Variants in MITF observed in about 807,000 individuals in gnomAD.
MITF encodes microphthalmia-associated transcription factor.
In MITF, 17 loss-of-function variants were observed where a neutral mutation model predicts 60.5. The observed-to-expected ratio is 0.28, with a 90% CI of 0.19 to 0.42. The LOEUF (loss-of-function observed/expected upper bound fraction) is 0.42. Ranked by LOEUF, MITF falls within the 10% of genes least tolerant of loss-of-function variation. MITF has a pLI of 1.00. For missense variants in MITF, 622 were observed against 683.5 expected (o/e 0.91, Z 1.00); for synonymous variants, 260 against 248.5 (o/e 1.05, Z -0.43).
intron 1 of MITF, among the ~76,000 whole-genome samples, chr3:69,837,814 C>T (rs2063563031): frequency 6.6e-6 from 1 of 152,182 alleles, no homozygotes; most frequent in East Asian, 1.9e-4. Context: ...AACTGTTGCC[C>T]TGATCTCACT....
intron 1 of MITF, among the ~76,000 whole-genome samples, chr3:69,779,629 C>T (rs1328652553): frequency 1.3e-5 from 2 of 151,846 alleles, no homozygotes; most frequent in Admixed American, 1.3e-4. Flanking sequence ...TGATGGGGAG[C>T]AACTGAAGAC....
intron 2 of MITF, among the ~76,000 whole-genome samples, chr3:69,885,483 C>A (rs1455634562): frequency 2.6e-5 from 4 of 151,954 alleles, no homozygotes; most frequent in Non-Finnish European, 2.9e-5. Context: ...ATGGTAATTT[C>A]TTTTTTAATG....
At chr3:69,922,947 G>A (rs2065500841) in intron 2 of MITF, among the ~76,000 whole-genome samples, 2 of 152,184 alleles carry the variant, frequency 1.3e-5, no homozygotes, top group Non-Finnish European at 2.9e-5. Flanking sequence ...TCCTGTCCTT[G>A]TTGACCCGTT....
At chr3:69,760,072 C>G (rs2062189644) in intron 1 of MITF, among the ~76,000 whole-genome samples, 1 of 152,226 alleles carries the variant, frequency 6.6e-6, no homozygotes, top group Admixed American at 6.5e-5. Flanking sequence ...GCCACTGCGC[C>G]CAGCCCTGAT....
intron 2 of MITF, among the ~76,000 whole-genome samples, chr3:69,932,573 T>C (rs1418214737): frequency 6.6e-6 from 1 of 152,198 alleles, no homozygotes; most frequent in Non-Finnish European, 1.5e-5. Context: ...TTGCATCTGA[T>C]TTTGATTCTT....
intron 1 of MITF, among the ~76,000 whole-genome samples, chr3:69,819,478 C>T (rs35017084): frequency 0.34 from 51,436 of 152,034 alleles, 9,735 homozygotes; most frequent in Non-Finnish European, 0.43. Flanking sequence ...ACAGATGGCC[C>T]GAAGTGTGGC....
At chr3:69,759,844 C>A (rs751862627) in intron 1 of MITF, among the ~76,000 whole-genome samples, 3 of 152,140 alleles carry the variant, frequency 2.0e-5, no homozygotes, top group Middle Eastern at 3.2e-3. Flanking sequence ...GTGGCACGAT[C>A]TCGGCTCACT....
intron 2 of MITF, among the ~76,000 whole-genome samples, chr3:69,893,558 C>G (rs975015668): frequency 3.3e-5 from 5 of 152,128 alleles, no homozygotes; most frequent in Admixed American, 1.3e-4. Context: ...TCACTGTCAT[C>G]AGCATTTCAA....
In MITF at chr3:69,956,496, G is replaced by A. The variant is rs147682682; in HGVS notation, c.997G>A (p.Glu333Lys). ...ATTTAACATAAATGACCGCATTAAAGAACTAGGTACTTTGATTCCCAAGTC... is the reference window on the plus strand; with the variant it reads ...ATTTAACATAAATGACCGCATTAAAAAACTAGGTACTTTGATTCCCAAGTC... ...RRFNINDRIK[E>K]LGTLIPKSND... The change falls in exon 8 of 10, where the codon GAA becomes AAA. Residue 333 changes from glutamate to lysine, a missense_variant. Physicochemically the swap from Glu to Lys is moderately conservative, Grantham distance 56. This residue lies in a region of MITF where 31 missense variants were observed against 74.8 expected (regional missense o/e 0.41). Transcript: ENST00000352241. 5.0e-6 allele frequency: 8 copies of A among 1,613,626 alleles called. No individual in the cohort carries two copies. The highest frequency in any genetic ancestry group is 6.8e-6 in the Non-Finnish European group (8 of 1,179,742).
At chr3:69,829,584 A>G (rs1047772432) in intron 1 of MITF, among the ~76,000 whole-genome samples, 7 of 152,232 alleles carry the variant, frequency 4.6e-5, no homozygotes, top group African/African-American at 1.2e-4. Flanking sequence ...AAAATTCAGC[A>G]GTAAAAAAAC....
At chr3:69,948,905 AC>A (rs1462678453) in intron 5 of MITF, 145 bp from the exon 6 acceptor site, 26 of 669,960 alleles carry the variant, frequency 3.9e-5, no homozygotes, top group Non-Finnish European at 6.9e-5. Flanking sequence ...GAAAAAGTAA[AC>A]ATCTCATATT....
intron 8 of MITF, among the ~76,000 whole-genome samples, chr3:69,957,750 G>C (rs571925981): frequency 6.6e-6 from 1 of 152,204 alleles, no homozygotes; most frequent in Non-Finnish European, 1.5e-5. Context: ...TGCAGTGAAA[G>C]CCTCTATTTG....
chr3:69,739,950 C>A (rs1703467943), intron 1 of MITF, among the ~76,000 whole-genome samples: 1 of 151,992 alleles, frequency 6.6e-6, no homozygotes, highest in Non-Finnish European at 1.5e-5. Flanking sequence ...AGCGTCCAGG[C>A]GCGGGGACCC....
At chr3:69,820,260 A>T (rs2107042562) in intron 1 of MITF, among the ~76,000 whole-genome samples, 1 of 152,284 alleles carries the variant, frequency 6.6e-6, no homozygotes, top group East Asian at 1.9e-4. Flanking sequence ...TGAAATATAC[A>T]TGTGTGGCTC....
At chr3:69,864,172 A>G (rs1310080501) in intron 1 of MITF, among the ~76,000 whole-genome samples, 1 of 152,230 alleles carries the variant, frequency 6.6e-6, no homozygotes, top group Non-Finnish European at 1.5e-5. Flanking sequence ...CTCAGGTGAA[A>G]GAACTGGGGC....
intron 1 of MITF, among the ~76,000 whole-genome samples, chr3:69,830,608 G>A (rs6805945): frequency 0.33 from 50,510 of 151,868 alleles, 9,478 homozygotes; most frequent in Non-Finnish European, 0.42. Flanking sequence ...TCCCCATCCC[G>A]ATGCTTCATC....
chr3:69,823,849 C>T (rs534984340), intron 1 of MITF, among the ~76,000 whole-genome samples: 77 of 152,212 alleles, frequency 5.1e-4, no homozygotes, highest in African/African-American at 1.8e-3. Context: ...TGAGTGGTAG[C>T]CTATGATTTC....
At chr3:69,952,500 G>T (rs1176415583) in intron 7 of MITF, among the ~76,000 whole-genome samples, 6 of 152,174 alleles carry the variant, frequency 3.9e-5, no homozygotes, top group African/African-American at 1.4e-4. Flanking sequence ...TTTAAAAAGG[G>T]ATTGGGCTTG....
rs530144307 is a variant in MITF at position 69,792,666 on chromosome 3, T to C, written c.104+52965T>C. 9.2e-5 allele frequency among the ~76,000 whole-genome samples: 14 copies of C among 152,294 alleles called. No individual in the cohort carries two copies. The South Asian group carries it at 2.7e-3, about 29-fold the overall frequency. On this transcript the variant is annotated intron_variant, in intron 1 of 9. Transcript: ENST00000352241. The stretch of plus-strand genomic sequence containing the variant: ...AAGTGGACTCGTTCTGGGTACAGAA[T>C]CTTGTAACTTGACTTCCCTGGCATT...
Sources: allele counts gnomAD v4.1 joint callset (sites outside exome capture counted in the v4.1 genomes callset), GRCh38; gene constraint gnomAD v4.1.1; regional missense constraint gnomAD v4.1.1; transcripts MANE v1.5; gene names NCBI Gene and HGNC (gene_info 2026-07-23, HGNC 2026-07-21).